The following MTR variants were observed in gnomAD, a reference collection of about 807,000 sequenced individuals.
MTR encodes the protein methionine synthase.
A neutral mutation model predicts 154.8 loss-of-function variants in MTR; 84 were observed. That is an observed-to-expected ratio of 0.54 (90% CI 0.45 to 0.65). The LOEUF (loss-of-function observed/expected upper bound fraction) is 0.65, where lower values mean the gene tolerates loss of function less well. MTR is among the 30% of genes least tolerant of loss of function. The probability of loss-of-function intolerance (pLI) is 0.00; values close to 1 mark genes in which losing one functional copy is unlikely to be tolerated. For synonymous variants in MTR, 554 were observed against 553.9 expected (o/e 1.00, Z 0.00); for missense variants, 1,275 against 1,570.2 (o/e 0.81, Z 3.18).
In MTR at chr1:236,808,762, C is replaced by T. The variant is rs777926993; in HGVS notation, c.398C>T (p.Thr133Ile). Residue 133 changes from threonine to isoleucine, a missense_variant, in exon 4 of 33, where the codon ACT becomes ATT. Transcript: ENST00000366577. ...GCCAGAAAAGCTGCCGAGGAGGTAA[C>T]TCTCCAGACAGGTAGGGAATGTTCT... is the stretch of plus-strand genomic sequence containing the variant. Reference protein sequence around the residue: ...GVARKAAEEVTLQTGIKRFVA... With the variant: ...GVARKAAEEVILQTGIKRFVA... The T allele has an allele frequency of 2.5e-6, 4 of 1,614,026 alleles. No homozygotes were observed. Among genetic ancestry groups the T allele is most frequent in the Admixed American group, 1.7e-5 (1 of 59,996 alleles).
In MTR at chr1:236,832,085, A is replaced by G; in HGVS notation, c.1188+7A>G. 6.2e-7 allele frequency: 1 copy of G among 1,605,342 alleles called. No homozygotes were observed. The highest frequency in any genetic ancestry group is 8.5e-7 in the Non-Finnish European group (1 of 1,172,042). On this transcript the variant is annotated splice_region_variant and intron_variant, in intron 13 of 32. Coordinates refer to ENST00000366577, the MANE Select transcript of MTR (RefSeq NM_000254.3). ...CATGGCAGGAAACTATGAAGTGAGCATCTTAATAAGACCCCTGAGGCATCT... is the reference window on the plus strand; with the variant it reads ...CATGGCAGGAAACTATGAAGTGAGCGTCTTAATAAGACCCCTGAGGCATCT...
intron 13 of MTR, among the ~76,000 whole-genome samples, chr1:236,835,162 G>A (rs959676872): frequency 1.3e-5 from 2 of 151,954 alleles, no homozygotes; most frequent in Non-Finnish European, 2.9e-5. Flanking sequence ...TCCAAGCAGA[G>A]GGAACAACGT....
intron 1 of MTR, 84 bp downstream of exon 1, chr1:236,795,821 C>T (rs2102983851): frequency 6.2e-7 from 1 of 1,603,988 alleles, no homozygotes; most frequent in Non-Finnish European, 8.5e-7. Context: ...CGATTCCCTT[C>T]TGCGGCGGGA....
intron 27 of MTR, among the ~76,000 whole-genome samples, chr1:236,888,280 C>A (rs1474129077): frequency 6.6e-6 from 1 of 152,186 alleles, no homozygotes; most frequent in East Asian, 1.9e-4. Context: ...CAGCCTAATC[C>A]TGCCATGTCA....
intron 28 of MTR, among the ~76,000 whole-genome samples, chr1:236,890,166 GTGCGTGTTCGGA>G (rs1331687503): frequency 6.6e-6 from 1 of 152,148 alleles, no homozygotes; most frequent in Non-Finnish European, 1.5e-5. Flanking sequence ...GTGCCTGGGT[GTGCGTGTTCGGA>G]TGCTGAGACT....
At chr1:236,858,485 G>T (rs1400929034) in intron 18 of MTR, among the ~76,000 whole-genome samples, 1 of 152,154 alleles carries the variant, frequency 6.6e-6, no homozygotes, top group East Asian at 1.9e-4. Context: ...GCATTGGATG[G>T]CATGGTAAGG....
chr1:236,804,630 T>G (rs1572183366), intron 2 of MTR, among the ~76,000 whole-genome samples: 1 of 152,230 alleles, frequency 6.6e-6, no homozygotes, highest in Non-Finnish European at 1.5e-5. Flanking sequence ...GCATTAAGTT[T>G]ATTTTCAGTT....
In MTR at chr1:236,861,186, C is replaced by A. The variant is rs1434632252; in HGVS notation, c.2105C>A (p.Pro702His). The A allele has an allele frequency of 6.2e-7, 1 of 1,611,896 alleles. No homozygotes were observed. Among genetic ancestry groups the A allele is most frequent in the Non-Finnish European group, 8.5e-7 (1 of 1,179,686 alleles). ...EEARLNQKKY[P>H]RPLNIIEGPL... ...GCCAGGTTAAACCAAAAAAAATATC[C>A]CCGACCTCTCAATATAATTGAAGGA... The change falls in exon 20 of 33, where the codon CCC becomes CAC. Residue 702 changes from proline to histidine, a missense_variant. Physicochemically the swap from Pro to His is moderately conservative, Grantham distance 77. Transcript: ENST00000366577.
At chr1:236,875,501 C>T (rs771363723) in intron 24 of MTR, among the ~76,000 whole-genome samples, 6 of 152,124 alleles carry the variant, frequency 3.9e-5, no homozygotes, top group Admixed American at 1.3e-4. Flanking sequence ...GTAAGTGCTA[C>T]GTTAACTGTG....
chr1:236,891,629 GTCT>G (rs1666332391), intron 29 of MTR, among the ~76,000 whole-genome samples: 1 of 152,148 alleles, frequency 6.6e-6, no homozygotes, highest in Non-Finnish European at 1.5e-5. Context: ...CAGGATCTCA[GTCT>G]TCTTAGCTTC....
intron 24 of MTR, among the ~76,000 whole-genome samples, chr1:236,875,869 T>C (rs544922928): frequency 6.6e-6 from 1 of 152,278 alleles, no homozygotes; most frequent in South Asian, 2.1e-4. Flanking sequence ...AATAATTAAC[T>C]CCTGTGATTG....
At chr1:236,801,335 AC>A (rs1218717063) in intron 1 of MTR, among the ~76,000 whole-genome samples, 7 of 152,224 alleles carry the variant, frequency 4.6e-5, no homozygotes, top group South Asian at 2.1e-4. Context: ...CCTGAAAGAA[AC>A]ATAGTGCCCA....
intron 3 of MTR, among the ~76,000 whole-genome samples, chr1:236,807,136 T>C (rs1661030802): frequency 6.6e-6 from 1 of 152,136 alleles, no homozygotes; most frequent in Non-Finnish European, 1.5e-5. Context: ...GTAATTCTGT[T>C]TAATTTTTTG....
At chr1:236,870,692 A>G (rs1665078535) in intron 22 of MTR, among the ~76,000 whole-genome samples, 2 of 152,314 alleles carry the variant, frequency 1.3e-5, no homozygotes, top group South Asian at 4.1e-4. Flanking sequence ...TCTCCCCCAG[A>G]CTTTAGACTT....
In MTR at chr1:236,861,202, A is replaced by T. The variant is rs1664526725; in HGVS notation, c.2121A>T (p.Ile707=). ...NQKKYPRPLN[I]IEGPLMNGMK... is the part of the protein sequence containing the mutation. ...AAAAATATCCCCGACCTCTCAATAT[A>T]ATTGAAGGACCCCTGATGAATGGAA... is the stretch of plus-strand genomic sequence containing the variant. Residue 707 remains isoleucine, a synonymous_variant, in exon 20 of 33, where the codon ATA becomes ATT. Coordinates refer to ENST00000366577, the MANE Select transcript of MTR (RefSeq NM_000254.3). 1 of 1,612,678 alleles carries T rather than the reference A, an allele frequency of 6.2e-7. No individual in the cohort carries two copies. The highest frequency in any genetic ancestry group is 2.2e-5 in the East Asian group (1 of 44,796).
rs1386744793 is a variant in MTR at position 236,896,939 on chromosome 1, C to T, written c.3599-67C>T. 5.1e-6 allele frequency: 6 copies of T among 1,165,914 alleles called. No individual in the cohort carries two copies. The African/African-American group carries it at 9.1e-5, about 18-fold the overall frequency. 72.2% of individuals were successfully genotyped at this position (1,165,914 alleles called of 1,614,324 possible). On this transcript the variant is annotated intron_variant, in intron 31 of 32. Coordinates refer to ENST00000366577, the MANE Select transcript of MTR (RefSeq NM_000254.3). Reference sequence around the variant, plus strand: ...TGTTCAACAAGAGTTCATTGAGTGCCTGCTAGCTGCAGGCCCTGTGCTAGA... The same window carrying T: ...TGTTCAACAAGAGTTCATTGAGTGCTTGCTAGCTGCAGGCCCTGTGCTAGA...
intron 8 of MTR, chr1:236,819,663 A>G: frequency 8.0e-6 from 5 of 622,024 alleles, no homozygotes; most frequent in South Asian, 7.2e-5. Context: ...TGTCCTGCAA[A>G]TGAAAGAGGA....
chr1:236,817,743 G>C (rs1661681805), intron 8 of MTR, among the ~76,000 whole-genome samples: 1 of 152,012 alleles, frequency 6.6e-6, no homozygotes, highest in Non-Finnish European at 1.5e-5. Context: ...ATAATTACAG[G>C]GTGCATCTTA....
intron 22 of MTR, among the ~76,000 whole-genome samples, chr1:236,873,548 C>G (rs899851995): frequency 6.6e-6 from 1 of 152,148 alleles, no homozygotes; most frequent in Non-Finnish European, 1.5e-5. Context: ...GAATGATGGT[C>G]GGTAAAGCTG....
Sources: allele counts gnomAD v4.1 joint callset (sites outside exome capture counted in the v4.1 genomes callset), GRCh38; gene constraint gnomAD v4.1.1; transcripts MANE v1.5; gene names NCBI Gene and HGNC (gene_info 2026-07-23, HGNC 2026-07-21).